SCIN: variants seen among roughly 807,000 people sequenced by gnomAD.
SCIN encodes the protein scinderin, also known as adseverin.
A neutral mutation model predicts 91.8 loss-of-function variants in SCIN; 91 were observed. The observed-to-expected ratio is 0.99, with a 90% CI of 0.84 to 1.18. The LOEUF (loss-of-function observed/expected upper bound fraction) is 1.18, where lower values mean the gene tolerates loss of function less well. SCIN is among the 50% of genes most tolerant of loss of function. SCIN has a pLI of 0.00. For missense variants in SCIN, 1,087 were observed against 863.9 expected, an observed-to-expected ratio of 1.26 and a Z score of -3.24; for synonymous variants, 367 against 312.6, an observed-to-expected ratio of 1.17 and a Z score of -1.84.
chr7:12,617,002 C>G (rs1191420580), intron 4 of SCIN, among the ~76,000 whole-genome samples: 1 of 152,052 alleles, frequency 6.6e-6, no homozygotes, highest in Non-Finnish European at 1.5e-5. Context: ...AGGTACATTA[C>G]CAAGACATAT....
chr7:12,628,998 GT>G, intron 8 of SCIN, 102 bp from the exon 9 acceptor site: 2 of 965,362 alleles, frequency 2.1e-6, no homozygotes, highest in Non-Finnish European at 1.5e-6. Context: ...TAATTTAAAA[GT>G]TGTTTAATAA....
At chr7:12,580,821 C>T (rs146187555) in intron 2 of SCIN, among the ~76,000 whole-genome samples, 1 of 152,198 alleles carries the variant, frequency 6.6e-6, no homozygotes. Context: ...TCAGTAAATA[C>T]TTGCAGTTGT....
At chr7:12,596,650 TGGCA>T (rs141581393) in intron 3 of SCIN, among the ~76,000 whole-genome samples, 35 of 151,710 alleles carry the variant, frequency 2.3e-4, no homozygotes, top group African/African-American at 8.0e-4. Context: ...CTTAGGTGGC[TGGCA>T]GAAATGCTTT....
intron 6 of SCIN, among the ~76,000 whole-genome samples, 190 bp downstream of exon 6, chr7:12,625,332 A>T (rs566204095): frequency 6.6e-6 from 1 of 152,234 alleles, no homozygotes; most frequent in South Asian, 2.1e-4. Flanking sequence ...ATGGAGTTAA[A>T]AAAAAAGCAT....
At chr7:12,649,356 C>T in intron 13 of SCIN, 111 bp from the exon 14 acceptor site, 1 of 536,412 alleles carries the variant, frequency 1.9e-6, no homozygotes, top group South Asian at 4.3e-5. Flanking sequence ...AAAAAATTAC[C>T]ACCAAATTTT....
rs557513741 is a variant in SCIN, at chr7:12,640,458, C to T, written c.1522C>T (p.Pro508Ser). 4 of 1,613,090 alleles carry T rather than the reference C, an allele frequency of 2.5e-6. No homozygotes were observed. The Admixed American group carries it at 6.7e-5, about 27-fold the overall frequency. The change falls in exon 11 of 16, where the codon CCC becomes TCC. Residue 508 changes from proline (P) to serine (S), a missense_variant. By Grantham distance (74) the Pro-to-Ser change is moderately conservative. Transcript: ENST00000297029. ...AAAGAAAGGAGGTCAGGCACCTGCTCCCCCTACACGCCTCTTTCAAGTCCG... is the reference window on the plus strand; with the variant it reads ...AAAGAAAGGAGGTCAGGCACCTGCTTCCCCTACACGCCTCTTTCAAGTCCG... ...TSKKGGQAPAPPTRLFQVRRN... is the reference protein window; with the variant it reads ...TSKKGGQAPASPTRLFQVRRN...
At chr7:12,597,321 G>A (rs1782863569) in intron 3 of SCIN, among the ~76,000 whole-genome samples, 2 of 152,144 alleles carry the variant, frequency 1.3e-5, no homozygotes, top group South Asian at 4.1e-4. Context: ...GCTAAACACA[G>A]GAAAGACAAA....
At chr7:12,601,984 A>T (rs1254427170) in intron 3 of SCIN, among the ~76,000 whole-genome samples, 2 of 152,050 alleles carry the variant, frequency 1.3e-5, no homozygotes, top group Non-Finnish European at 2.9e-5. Flanking sequence ...TTATTGGGGG[A>T]AGTCGGTAGA....
chr7:12,625,034 A>T lies in SCIN; in HGVS notation c.784A>T (p.Arg262Ter), dbSNP rs1783483475. ...GGTTTCAGATGCAAGTGGCTCCATG[A>T]GAGTGACTGTGGTGGCAGAAGAAAA... ...YMVSDASGSM[R>*]VTVVAEENPF... is the part of the protein sequence containing the mutation. The change falls in exon 6 of 16, where the codon AGA becomes TGA. Residue 262 changes from arginine to a stop codon, truncating the protein, a stop_gained. Coordinates refer to ENST00000297029, the MANE Select transcript of SCIN (RefSeq NM_001112706.3). LOFTEE classifies it high-confidence loss of function. 1 of 1,569,666 alleles carries T rather than the reference A, an allele frequency of 6.4e-7. No homozygotes were observed. The highest frequency in any genetic ancestry group is 1.4e-5 in the African/African-American group (1 of 74,006).
At chr7:12,604,988 A>AG (rs989302781) in intron 4 of SCIN, among the ~76,000 whole-genome samples, 4 of 150,908 alleles carry the variant, frequency 2.7e-5, no homozygotes, top group Admixed American at 6.6e-5. Flanking sequence ...TTTGGAAGGA[A>AG]GACAATATTA....
At chr7:12,612,745 C>A (rs535767311) in intron 4 of SCIN, among the ~76,000 whole-genome samples, 120 of 152,232 alleles carry the variant, frequency 7.9e-4, no homozygotes, top group African/African-American at 2.7e-3. Flanking sequence ...CCGTTTTGTT[C>A]CTCACCAATT....
intron 3 of SCIN, among the ~76,000 whole-genome samples, chr7:12,586,080 A>G (rs956205583): frequency 1.3e-5 from 2 of 152,122 alleles, no homozygotes; most frequent in African/African-American, 4.8e-5. Flanking sequence ...TTTACTTATC[A>G]GCCTTCCTCA....
At chr7:12,643,594 C>T (rs1364870035) in intron 11 of SCIN, among the ~76,000 whole-genome samples, 1 of 152,168 alleles carries the variant, frequency 6.6e-6, no homozygotes. Flanking sequence ...GTGTTCTCTC[C>T]TTCAACAGGC....
chr7:12,578,141 C>G lies in SCIN; in HGVS notation c.277C>G (p.Pro93Ala). The change falls in exon 2 of 16, where the codon CCA (proline) becomes GCA (alanine). Residue 93 changes from proline (P) to alanine (A), a missense_variant. Pro to Ala is a conservative substitution (Grantham distance 27, BLOSUM62 -1). Transcript: ENST00000297029. Reference sequence around the variant, plus strand: ...GATGGATGACTATTTGGGTGGCAAGCCAGTGCAGAATAGAGAACTTCAAGG... The same window carrying G: ...GATGGATGACTATTTGGGTGGCAAGGCAGTGCAGAATAGAGAACTTCAAGG... ...VQMDDYLGGKPVQNRELQGYE... is the reference protein window; with the variant it reads ...VQMDDYLGGKAVQNRELQGYE... 1.3e-6 allele frequency: 2 copies of G among 1,551,248 alleles called. No homozygotes were observed. The highest frequency in any genetic ancestry group is 8.7e-7 in the Non-Finnish European group (1 of 1,146,652).
At position 12,581,178 on chromosome 7, in the gene SCIN, A is replaced by G; in HGVS notation, c.473A>G (p.Asp158Gly). Residue 158 changes from aspartate (D) to glycine (G), a missense_variant, in exon 3 of 16, where the codon GAC becomes GGC. Physicochemically the swap from Asp to Gly is moderately conservative, Grantham distance 94 (BLOSUM62 -1). Coordinates refer to ENST00000297029, the MANE Select transcript of SCIN (RefSeq NM_001112706.3). ...VRATEVPLSW[D>G]SFNKGDCFII... ...GCCACAGAAGTTCCCCTTAGCTGGG[A>G]CAGTTTCAACAAGGGTGACTGCTTC... 1 of 1,551,538 alleles carries G rather than the reference A, an allele frequency of 6.4e-7. No homozygotes were observed. The highest frequency in any genetic ancestry group is 8.7e-7 in the Non-Finnish European group (1 of 1,146,844).
chr7:12,640,560 T>C, intron 11 of SCIN, 43 bp downstream of exon 11: 1 of 1,517,442 alleles, frequency 6.6e-7, no homozygotes, highest in Non-Finnish European at 8.8e-7. Flanking sequence ...GTTATGGACT[T>C]CCCAATGGAC....
At chr7:12,571,426 G>A (rs1782268857) in intron 1 of SCIN, 1 of 349,330 alleles carries the variant, frequency 2.9e-6, no homozygotes, top group Non-Finnish European at 5.7e-6. Flanking sequence ...GGCATCTGCC[G>A]CCGCTAGGAA....
At position 12,644,138 on chromosome 7, in the gene SCIN, G is replaced by C. The variant is rs758711973; in HGVS notation, c.1582G>C (p.Val528Leu). ...NLASITRIVE[V>L]DVDANSLNSN... ...TGTTTTATTTTTCTTCATATTCCAG[G>C]TTGATGTTGATGCAAATTCACTGAA... The change falls in exon 12 of 16, where the codon GTT becomes CTT. Residue 528 changes from valine to leucine, a missense_variant and splice_region_variant. Coordinates refer to ENST00000297029, the MANE Select transcript of SCIN (RefSeq NM_001112706.3). 2.5e-6 allele frequency: 4 copies of C among 1,610,880 alleles called. No individual in the cohort carries two copies. The Admixed American group carries it at 5.0e-5, about 20-fold the overall frequency.
intron 9 of SCIN, among the ~76,000 whole-genome samples, chr7:12,633,831 A>T (rs1367979456): frequency 6.6e-6 from 1 of 152,242 alleles, no homozygotes; most frequent in Non-Finnish European, 1.5e-5. Flanking sequence ...TTGTGCTTCC[A>T]GTGCACACAG....
Sources: allele counts gnomAD v4.1 joint callset (sites outside exome capture counted in the v4.1 genomes callset), GRCh38; gene constraint gnomAD v4.1.1; transcripts MANE v1.5; gene names NCBI Gene and HGNC (gene_info 2026-07-23, HGNC 2026-07-21).